The following GRIK1 variants were observed in gnomAD, a reference collection of about 807,000 sequenced individuals.
GRIK1 encodes the protein glutamate receptor ionotropic, kainate 1.
A neutral mutation model predicts 105.7 loss-of-function variants in GRIK1; 69 were observed. The ratio of observed to expected loss-of-function variants is 0.65; its 90% CI spans 0.54 to 0.80. GRIK1 has a LOEUF of 0.80. GRIK1 is among the 30% of genes least tolerant of loss of function. The pLI is 0.00. For synonymous variants in GRIK1, 438 were observed against 431.3 expected, an observed-to-expected ratio of 1.02 and a Z score of -0.19; for missense variants, 1,109 against 1,167.3, an observed-to-expected ratio of 0.95 and a Z score of 0.73.
At chr21:29,909,862 T>C (rs543117830) in intron 1 of GRIK1, among the ~76,000 whole-genome samples, 24 of 152,180 alleles carry the variant, frequency 1.6e-4, no homozygotes, top group Non-Finnish European at 2.6e-4. Context: ...AATAATTACA[T>C]GACGAGTATA....
At chr21:29,565,719 C>T (rs1409931944) in intron 14 of GRIK1, among the ~76,000 whole-genome samples, 2 of 152,342 alleles carry the variant, frequency 1.3e-5, no homozygotes, top group Non-Finnish European at 2.9e-5. Context: ...TAGGCATGAG[C>T]CACCATGCCC....
At chr21:29,677,260 T>A (rs1312993145) in intron 3 of GRIK1, among the ~76,000 whole-genome samples, 3 of 152,208 alleles carry the variant, frequency 2.0e-5, no homozygotes, top group Admixed American at 2.0e-4. Flanking sequence ...TTCTCTAAGT[T>A]CAAATCTTTC....
intron 1 of GRIK1, among the ~76,000 whole-genome samples, chr21:29,799,358 G>T (rs556453997): frequency 6.2e-4 from 95 of 152,300 alleles, no homozygotes; most frequent in African/African-American, 1.9e-3. Flanking sequence ...AAGGTAGAGA[G>T]TAGAATATCT....
chr21:29,596,434 C>T (rs2061413943), intron 9 of GRIK1, 92 bp downstream of exon 9: 3 of 845,052 alleles, frequency 3.6e-6, no homozygotes, highest in Non-Finnish European at 6.3e-6. Context: ...TGGAGAGCTA[C>T]AGGTCTGGTA....
chr21:29,761,696 TCTC>T (rs2065525289), intron 1 of GRIK1, among the ~76,000 whole-genome samples: 1 of 151,986 alleles, frequency 6.6e-6, no homozygotes, highest in Non-Finnish European at 1.5e-5. Context: ...CTTTCTTTCT[TCTC>T]TTCTTTTCTT....
At chr21:29,630,467 T>C (rs1044246682) in intron 7 of GRIK1, 1 of 470,568 alleles carries the variant, frequency 2.1e-6, no homozygotes, top group Non-Finnish European at 4.4e-6. Context: ...AGGGGAGGGC[T>C]GACCTAATCA....
At chr21:29,822,515 C>T (rs1039756454) in intron 1 of GRIK1, among the ~76,000 whole-genome samples, 7 of 152,110 alleles carry the variant, frequency 4.6e-5, no homozygotes, top group South Asian at 2.1e-4. Flanking sequence ...TCAGAATAGA[C>T]GGCCCCTCAT....
At chr21:29,872,888 G>A (rs546683679) in intron 1 of GRIK1, among the ~76,000 whole-genome samples, 1 of 152,300 alleles carries the variant, frequency 6.6e-6, no homozygotes, top group Non-Finnish European at 1.5e-5. Flanking sequence ...TGAGATTTGG[G>A]TGGGGATGCA....
chr21:29,560,499 C>CTTTT (rs1247459732), intron 15 of GRIK1, among the ~76,000 whole-genome samples: 3 of 12,036 alleles, frequency 2.5e-4, no homozygotes, highest in African/African-American at 1.4e-3. Flanking sequence ...TTCTTTCTTT[C>CTTTT]CTTCCTTCCT....
chr21:29,785,338 G>A (rs2066229220), intron 1 of GRIK1, among the ~76,000 whole-genome samples: 1 of 152,084 alleles, frequency 6.6e-6, no homozygotes, highest in Admixed American at 6.5e-5. Flanking sequence ...TGAGGCGGGT[G>A]GTTCACCTGA....
chr21:29,924,220 C>T (rs180920950), intron 1 of GRIK1, among the ~76,000 whole-genome samples: 1,974 of 151,730 alleles, frequency 0.013, 43 homozygotes, highest in Middle Eastern at 0.024. Context: ...CGCCTGTAAT[C>T]CCAGCTACTC....
chr21:29,628,114 A>C (rs1482433376), intron 7 of GRIK1, among the ~76,000 whole-genome samples: 3 of 152,248 alleles, frequency 2.0e-5, no homozygotes, highest in African/African-American at 7.2e-5. Context: ...CAAATATCTG[A>C]AATTCACCCT....
chr21:29,599,838 C>T (rs7277568), intron 7 of GRIK1, among the ~76,000 whole-genome samples: 40,466 of 152,096 alleles, frequency 0.27, 6,064 homozygotes, highest in African/African-American at 0.4. Context: ...CAGTGGCTTG[C>T]GCCTGTAATC....
At chr21:29,748,001 TAA>T (rs2065089582) in intron 1 of GRIK1, among the ~76,000 whole-genome samples, 1 of 152,260 alleles carries the variant, frequency 6.6e-6, no homozygotes, top group South Asian at 2.1e-4. Context: ...AACAATAAAA[TAA>T]AAGAGACATG....
At chr21:29,886,763 G>A (rs528888891) in intron 1 of GRIK1, among the ~76,000 whole-genome samples, 1 of 152,212 alleles carries the variant, frequency 6.6e-6, no homozygotes, top group South Asian at 2.1e-4. Context: ...AAATTTGACA[G>A]CCAAATATCG....
At chr21:29,564,743 CTG>C (rs1217169007) in intron 14 of GRIK1, among the ~76,000 whole-genome samples, 2 of 152,196 alleles carry the variant, frequency 1.3e-5, no homozygotes, top group African/African-American at 4.8e-5. Flanking sequence ...GTGACTCACT[CTG>C]TGAGTATTCA....
chr21:29,621,089 G>A (rs56209710), intron 7 of GRIK1, among the ~76,000 whole-genome samples: 4,996 of 151,972 alleles, frequency 0.033, 79 homozygotes, highest in East Asian at 0.058. Context: ...AAACCCAATT[G>A]TGAATTAATT....
At chr21:29,633,692 A>C (rs1383959832) in intron 7 of GRIK1, among the ~76,000 whole-genome samples, 1 of 152,134 alleles carries the variant, frequency 6.6e-6, no homozygotes, top group Non-Finnish European at 1.5e-5. Context: ...CCAGAGTTGT[A>C]CAGGGAATTG....
At chr21:29,804,272 T>G (rs1168214119) in intron 1 of GRIK1, among the ~76,000 whole-genome samples, 2 of 152,124 alleles carry the variant, frequency 1.3e-5, no homozygotes, top group Non-Finnish European at 2.9e-5. Flanking sequence ...AGCCAAATTT[T>G]CATCAGAGAA....
Sources: gnomAD v4.1 joint callset for allele counts (sites outside exome capture counted in the v4.1 genomes callset) on GRCh38, gnomAD v4.1.1 for gene constraint, MANE v1.5 for transcripts, NCBI Gene and HGNC (gene_info 2026-07-23, HGNC 2026-07-21) for gene names.